NEK11: variants seen among roughly 807,000 people sequenced by gnomAD.
NEK11 encodes NIMA related kinase 11.
Under a neutral mutation model 80.7 loss-of-function variants are expected in NEK11, and 72 were observed. The observed-to-expected ratio is 0.89, with a 90% CI of 0.74 to 1.08. NEK11 has a LOEUF of 1.08. Ranked by LOEUF, NEK11 falls within the 50% of genes least tolerant of loss-of-function variation. NEK11 has a pLI of 0.00. For synonymous variants in NEK11, 251 were observed against 260.7 expected (o/e 0.96, Z 0.36); for missense variants, 764 against 763.6 (o/e 1.00, Z -0.01).
chr3:131,178,220 A>G (rs112314472), intron 14 of NEK11, among the ~76,000 whole-genome samples: 2,541 of 152,316 alleles, frequency 0.017, 66 homozygotes, highest in African/African-American at 0.058. Flanking sequence ...TAGGATATTC[A>G]CTACTGTTTA....
intron 3 of NEK11, among the ~76,000 whole-genome samples, chr3:131,031,301 T>C (rs1434417843): frequency 6.6e-6 from 1 of 152,236 alleles, no homozygotes; most frequent in African/African-American, 2.4e-5. Flanking sequence ...TGCATTATGA[T>C]TCCTGCTGAA....
At chr3:131,205,622 C>A (rs1300531431) in intron 14 of NEK11, among the ~76,000 whole-genome samples, 1 of 152,156 alleles carries the variant, frequency 6.6e-6, no homozygotes, top group East Asian at 1.9e-4. Context: ...CTCTCCCACA[C>A]CCCCAGCCCT....
intron 14 of NEK11, among the ~76,000 whole-genome samples, chr3:131,185,077 G>A (rs1251413468): frequency 6.6e-6 from 1 of 152,080 alleles, no homozygotes; most frequent in Non-Finnish European, 1.5e-5. Context: ...TCTTTTGTTT[G>A]TATCAGTTAG....
chr3:131,124,509 C>A (rs1457758640), intron 5 of NEK11, among the ~76,000 whole-genome samples: 3 of 152,096 alleles, frequency 2.0e-5, no homozygotes, highest in African/African-American at 7.2e-5. Context: ...ACACCCCCCA[C>A]TTCCTTTACC....
intron 14 of NEK11, among the ~76,000 whole-genome samples, chr3:131,179,455 TAGTC>T (rs1206780909): frequency 6.6e-6 from 1 of 152,186 alleles, no homozygotes; most frequent in Non-Finnish European, 1.5e-5. Flanking sequence ...CAAGGACACT[TAGTC>T]TGTATGCATG....
At chr3:131,253,106 A>G (rs1399566181) in intron 16 of NEK11, among the ~76,000 whole-genome samples, 1 of 152,162 alleles carries the variant, frequency 6.6e-6, no homozygotes, top group African/African-American at 2.4e-5. Context: ...TAGAGAGCTC[A>G]TGAAGGTTCA....
chr3:131,120,627 G>T (rs2082202852), intron 5 of NEK11, among the ~76,000 whole-genome samples: 1 of 152,142 alleles, frequency 6.6e-6, no homozygotes, highest in Admixed American at 6.5e-5. Flanking sequence ...ATCAGATGTA[G>T]ATTTGGTGTT....
chr3:131,126,830 C>G (rs1391962315), intron 5 of NEK11, among the ~76,000 whole-genome samples: 1 of 152,010 alleles, frequency 6.6e-6, no homozygotes. Flanking sequence ...TATGTTAGAC[C>G]ATCACATTCT....
At position 131,332,321 on chromosome 3, in the gene NEK11, T is replaced by C. The variant is rs552258728; in HGVS notation, c.1719-17236T>C. 4.6e-3 allele frequency among the ~76,000 whole-genome samples: 704 copies of C among 152,346 alleles called. 1 individual carries two copies. Among genetic ancestry groups the C allele is most frequent in the Middle Eastern group, 6.8e-3 (2 of 294 alleles). The stretch of plus-strand genomic sequence containing the variant: ...ATTCGTGGTTCACGAAAATCCGCTG[T>C]TCTGCAGCCACCGCTGCTGTTACCC... On this transcript the variant is annotated intron_variant, in intron 17 of 17. Coordinates refer to ENST00000383366, the MANE Select transcript of NEK11 (RefSeq NM_024800.5).
intron 10 of NEK11, among the ~76,000 whole-genome samples, chr3:131,160,766 G>A (rs749526193): frequency 1.3e-5 from 2 of 152,162 alleles, no homozygotes; most frequent in Non-Finnish European, 2.9e-5. Context: ...GAAAAAGCAG[G>A]GGTTGCTGTT....
intron 5 of NEK11, among the ~76,000 whole-genome samples, chr3:131,124,531 A>T (rs941193617): frequency 2.6e-5 from 4 of 152,128 alleles, no homozygotes; most frequent in Non-Finnish European, 5.9e-5. Flanking sequence ...AACAGGTCTG[A>T]GGAGGGCTGA....
At chr3:131,131,742 CT>C (rs1386924622) in intron 5 of NEK11, among the ~76,000 whole-genome samples, 1 of 151,808 alleles carries the variant, frequency 6.6e-6, no homozygotes, top group Admixed American at 6.6e-5. Flanking sequence ...TTTCTCCTTA[CT>C]TTTGGTTTAA....
chr3:131,093,863 C>T (rs921815536), intron 4 of NEK11, among the ~76,000 whole-genome samples: 7 of 151,702 alleles, frequency 4.6e-5, no homozygotes, highest in African/African-American at 1.7e-4. Flanking sequence ...ATTATGAAAT[C>T]TTAATTATCA....
intron 17 of NEK11, among the ~76,000 whole-genome samples, chr3:131,331,627 GC>G (rs2097085009): frequency 6.6e-6 from 1 of 152,210 alleles, no homozygotes; most frequent in Non-Finnish European, 1.5e-5. Flanking sequence ...TGGGTGCAGC[GC>G]ACCGTGCGTG....
At chr3:131,291,929 C>T (rs149783389) in intron 17 of NEK11, among the ~76,000 whole-genome samples, 5 of 152,260 alleles carry the variant, frequency 3.3e-5, no homozygotes, top group South Asian at 4.1e-4. Context: ...TTTCACAGAG[C>T]GGTCCAGATT....
Position 131,026,919 on chromosome 3 carries a change from G to T in NEK11, c.-257G>T, listed in dbSNP as rs2063930916. On this transcript the variant is annotated 5_prime_UTR_variant, in exon 1 of 18. Coordinates refer to ENST00000383366, the MANE Select transcript of NEK11 (RefSeq NM_024800.5). ...TGGCCCGCGGTGTCTGGCGCTCGGTGGGTGTGGTTGCCCCTAGTTTGAGGC... is the reference window on the plus strand; with the variant it reads ...TGGCCCGCGGTGTCTGGCGCTCGGTTGGTGTGGTTGCCCCTAGTTTGAGGC... 1 of 152,284 alleles carries T rather than the reference G, an allele frequency of 6.6e-6. No homozygotes were observed. The highest frequency in any genetic ancestry group is 1.5e-5 in the Non-Finnish European group (1 of 68,102). 9.4% of individuals were successfully genotyped at this position (152,284 alleles called of 1,614,324 possible).
Position 131,030,437 on chromosome 3 carries a change from C to G in NEK11, c.170+559C>G, listed in dbSNP as rs1372304267. ...GTGAAAATAAGATGTTTGGGCATGC[C>G]ACAGTCTCAGTGACAATATTACTTC... On this transcript the variant is annotated intron_variant, in intron 3 of 17. Coordinates refer to ENST00000383366, the MANE Select transcript of NEK11 (RefSeq NM_024800.5). 4.6e-5 allele frequency among the ~76,000 whole-genome samples: 7 copies of G among 152,278 alleles called. No individual in the cohort carries two copies. In the East Asian group the frequency reaches 1.2e-3, roughly 25 times the overall value.
chr3:131,074,739 A>G (rs2074048410), intron 3 of NEK11, among the ~76,000 whole-genome samples: 1 of 152,160 alleles, frequency 6.6e-6, no homozygotes, highest in Non-Finnish European at 1.5e-5. Context: ...TGCATTTGCA[A>G]AAGTGAACAT....
At chr3:131,259,563 A>G (rs1215792740) in intron 16 of NEK11, among the ~76,000 whole-genome samples, 1 of 152,066 alleles carries the variant, frequency 6.6e-6, no homozygotes, top group Non-Finnish European at 1.5e-5. Context: ...CTTGGGATTG[A>G]CCCTGTGGAC....
Sources: gnomAD v4.1 joint callset for allele counts (sites outside exome capture counted in the v4.1 genomes callset) on GRCh38, gnomAD v4.1.1 for gene constraint, MANE v1.5 for transcripts, NCBI Gene and HGNC (gene_info 2026-07-23, HGNC 2026-07-21) for gene names.